Variants in WDR26 observed in about 807,000 individuals in gnomAD.
WDR26 encodes the protein WD repeat domain 26, also known as WD repeat-containing protein 26.
Under a neutral mutation model 84.1 loss-of-function variants are expected in WDR26, and 5 were observed. The observed-to-expected ratio is 0.06, with a 90% confidence interval of 0.03 to 0.13. WDR26 has a LOEUF of 0.13. Ranked by LOEUF, WDR26 falls within the 10% of genes least tolerant of loss-of-function variation. The pLI is 1.00. For synonymous variants in WDR26, 415 were observed against 389.6 expected (o/e 1.07, Z -0.77); for missense variants, 642 against 974.9 (o/e 0.66, Z 4.55).
chr1:224,411,686 G>C, intron 6 of WDR26, 121 bp from the exon 7 acceptor site: 1 of 1,066,654 alleles, frequency 9.4e-7, no homozygotes, highest in Non-Finnish European at 1.3e-6. Flanking sequence ...AAAATAAGAA[G>C]TGAATGCATT....
intron 8 of WDR26, among the ~76,000 whole-genome samples, chr1:224,401,669 C>A (rs1673416263): frequency 2.2e-3 from 2 of 916 alleles, no homozygotes; most frequent in Non-Finnish European, 3.3e-3. Flanking sequence ...GTGAGACTGT[C>A]TCAAAAAAAA....
At chr1:224,415,415 G>A (rs1165896143) in intron 6 of WDR26, among the ~76,000 whole-genome samples, 3 of 150,784 alleles carry the variant, frequency 2.0e-5, no homozygotes, top group Non-Finnish European at 4.4e-5. Context: ...TATAACTAAG[G>A]ATGAGGGAAG....
At position 224,387,880 on chromosome 1, in the gene WDR26, T is replaced by C. The variant is rs1463965835; in HGVS notation, c.*1955A>G. On this transcript the variant is annotated 3_prime_UTR_variant, in exon 14 of 14. Coordinates refer to ENST00000414423, the MANE Select transcript of WDR26 (RefSeq NM_001379403.1). ...TGAAGATTTTTATTCAAGCTTAAAGTAAAAAGTAATTTTAGTTAAGAAAAA... is the reference window on the plus strand; with the variant it reads ...TGAAGATTTTTATTCAAGCTTAAAGCAAAAAGTAATTTTAGTTAAGAAAAA... 1 of 152,610 alleles carries C rather than the reference T, an allele frequency of 6.6e-6. No homozygotes were observed. The highest frequency in any genetic ancestry group is 1.5e-5 in the Non-Finnish European group (1 of 68,024). The allele number at this position is 152,610 out of a possible 1,614,324, so 9.5% of individuals were successfully genotyped here. A position where few individuals can be genotyped will look rare whatever the true frequency, so the allele number is the denominator to read the frequency against.
intron 4 of WDR26, among the ~76,000 whole-genome samples, chr1:224,420,967 T>C (rs187297675): frequency 1.3e-5 from 2 of 152,354 alleles, no homozygotes; most frequent in African/African-American, 4.8e-5. Context: ...TATCAATAAT[T>C]ATATTTTAAA....
In WDR26 at chr1:224,388,941, G is replaced by C. The variant is rs923735054; in HGVS notation, c.*894C>G. On this transcript the variant is annotated 3_prime_UTR_variant, in exon 14 of 14. Coordinates refer to ENST00000414423, the MANE Select transcript of WDR26 (RefSeq NM_001379403.1). ...AGATCGGGTACTGATGTTCCTTCAG[G>C]AATAAAACAAAAGGGGGGAAATCTT... 4.6e-5 allele frequency: 7 copies of C among 152,454 alleles called. No homozygotes were observed. The highest frequency in any genetic ancestry group is 8.8e-5 in the Non-Finnish European group (6 of 68,006). 9.4% of individuals were successfully genotyped at this position (152,454 alleles called of 1,614,324 possible).
intron 7 of WDR26, among the ~76,000 whole-genome samples, chr1:224,407,151 A>AAAAAAAAAAATATATATATAT: frequency 5.9e-4 from 7 of 11,874 alleles, no homozygotes; most frequent in Admixed American, 1.3e-3. Context: ...AAAAAAAAAA[A>AAAAAAAAAAATATATATATAT]ATATATATAT....
At position 224,421,448 on chromosome 1, in the gene WDR26, G is replaced by A. The variant is rs146396920; in HGVS notation, c.1065-1833C>T. On this transcript the variant is annotated intron_variant, in intron 4 of 13. Coordinates refer to ENST00000414423, the MANE Select transcript of WDR26 (RefSeq NM_001379403.1). ...AAAAATACAGAAAAAAAATTAACTG[G>A]GCGTGGTGGTGCATGCCTGTAATCC... 8.5e-5 allele frequency among the ~76,000 whole-genome samples: 13 copies of A among 152,254 alleles called. No homozygotes were observed. The East Asian group carries it at 1.9e-3, about 23-fold the overall frequency.
rs1363261619 is a variant in WDR26, at chr1:224,434,618, G to A, written c.-213C>T. On this transcript the variant is annotated 5_prime_UTR_variant, in exon 1 of 14. Transcript: ENST00000414423. Reference sequence around the variant, plus strand: ...GCTCGGGGTGCGCGGCCCGGGGGTCGCGCCGGGGGGCGCCGCGGGGCGGCT... The same window carrying A: ...GCTCGGGGTGCGCGGCCCGGGGGTCACGCCGGGGGGCGCCGCGGGGCGGCT... 3.7e-6 allele frequency: 2 copies of A among 542,608 alleles called. No individual in the cohort carries two copies. Among genetic ancestry groups the A allele is most frequent in the Non-Finnish European group, 4.6e-6 (2 of 431,090 alleles). The allele number at this position is 542,608 out of a possible 1,614,324, so 33.6% of individuals were successfully genotyped here.
At chr1:224,400,787 C>T (rs1238029483) in intron 9 of WDR26, among the ~76,000 whole-genome samples, 163 bp downstream of exon 9, 3 of 152,168 alleles carry the variant, frequency 2.0e-5, no homozygotes, top group Non-Finnish European at 4.4e-5. Flanking sequence ...CTCAGGTGAT[C>T]CACCTGCCTC....
intron 12 of WDR26, among the ~76,000 whole-genome samples, chr1:224,395,272 G>T (rs1276223684): frequency 3.9e-5 from 6 of 152,170 alleles, no homozygotes; most frequent in Admixed American, 3.9e-4. Flanking sequence ...CTACTGTGAC[G>T]AGATTAAGTA....
intron 7 of WDR26, among the ~76,000 whole-genome samples, chr1:224,408,082 A>G (rs11801436): frequency 0.28 from 42,279 of 152,104 alleles, 7,208 homozygotes; most frequent in African/African-American, 0.47. Context: ...AAACACTGGC[A>G]TAAGAGTCTA....
intron 3 of WDR26, among the ~76,000 whole-genome samples, chr1:224,426,387 A>T (rs1043891949): frequency 2.0e-5 from 3 of 152,314 alleles, no homozygotes; most frequent in African/African-American, 7.2e-5. Flanking sequence ...TAAATTTATA[A>T]GATACATTTC....
intron 7 of WDR26, among the ~76,000 whole-genome samples, chr1:224,408,815 T>A (rs896508831): frequency 6.6e-6 from 1 of 152,184 alleles, no homozygotes; most frequent in African/African-American, 2.4e-5. Context: ...TGTATCATGC[T>A]TATTTCATTG....
At position 224,424,002 on chromosome 1, in the gene WDR26, G is replaced by C. The variant is rs145674693; in HGVS notation, c.1064+516C>G. On this transcript the variant is annotated intron_variant, in intron 4 of 13. Transcript: ENST00000414423. ...ATCCCTGCACTCTGGGAAGATCACAGGAGTTTGAGATCACACTGGACAACA... is the reference window on the plus strand; with the variant it reads ...ATCCCTGCACTCTGGGAAGATCACACGAGTTTGAGATCACACTGGACAACA... Among the ~76,000 whole-genome samples the C allele has an allele frequency of 3.1e-3, 469 of 152,226 alleles. 1 individual carries two copies. Among genetic ancestry groups the C allele is most frequent in the African/African-American group, 0.01 (434 of 41,504 alleles).
intron 3 of WDR26, among the ~76,000 whole-genome samples, chr1:224,428,277 G>C (rs1336780824): frequency 6.6e-6 from 1 of 152,088 alleles, no homozygotes; most frequent in Non-Finnish European, 1.5e-5. Context: ...ACGATACTTA[G>C]AAAGTCTGGT....
intron 1 of WDR26, among the ~76,000 whole-genome samples, 166 bp downstream of exon 1, chr1:224,433,518 C>T (rs1303296580): frequency 3.9e-5 from 6 of 152,094 alleles, no homozygotes; most frequent in Admixed American, 6.5e-5. Flanking sequence ...CCTCCCCGGT[C>T]GCCCTGAGCC....
chr1:224,422,917 C>T (rs1674105838), intron 4 of WDR26, among the ~76,000 whole-genome samples: 1 of 152,136 alleles, frequency 6.6e-6, no homozygotes, highest in South Asian at 2.1e-4. Context: ...GGCTTAAGTT[C>T]TTCCCTTAAG....
At chr1:224,395,890 G>A (rs1185405078) in intron 12 of WDR26, among the ~76,000 whole-genome samples, 7 of 152,274 alleles carry the variant, frequency 4.6e-5, no homozygotes, top group African/African-American at 1.4e-4. Context: ...AAAAAGTCCA[G>A]TTTTTCTACA....
At chr1:224,422,584 G>A (rs1018157235) in intron 4 of WDR26, among the ~76,000 whole-genome samples, 1 of 152,034 alleles carries the variant, frequency 6.6e-6, no homozygotes, top group Non-Finnish European at 1.5e-5. Flanking sequence ...GTGTGGTGGC[G>A]CATGCCTATA....
Sources: gnomAD v4.1 joint callset for allele counts (sites outside exome capture counted in the v4.1 genomes callset) on GRCh38, gnomAD v4.1.1 for gene constraint, MANE v1.5 for transcripts, NCBI Gene and HGNC (gene_info 2026-07-23, HGNC 2026-07-21) for gene names.